Variants in SYT17 observed in about 807,000 individuals in gnomAD.
SYT17 encodes synaptotagmin 17.
Under a neutral mutation model 46.7 loss-of-function variants are expected in SYT17, and 22 were observed. The ratio of observed to expected loss-of-function variants is 0.47; its 90% CI spans 0.34 to 0.67. The LOEUF (loss-of-function observed/expected upper bound fraction) is 0.67, where lower values mean the gene tolerates loss of function less well. Among genes scored for constraint, SYT17 ranks in the 30% least tolerant of loss-of-function variants. The probability of loss-of-function intolerance (pLI) is 0.01; values close to 1 mark genes in which losing one functional copy is unlikely to be tolerated. For missense variants in SYT17, 519 were observed against 612.8 expected, an observed-to-expected ratio of 0.85 and a Z score of 1.62; for synonymous variants, 251 against 248.4, an observed-to-expected ratio of 1.01 and a Z score of -0.10.
intron 5 of SYT17, among the ~76,000 whole-genome samples, chr16:19,196,549 A>T (rs1965254625): frequency 6.6e-6 from 1 of 150,578 alleles, no homozygotes; most frequent in African/African-American, 2.4e-5. Context: ...CAGCTGAAGA[A>T]TTTTTTTTTT....
chr16:19,194,380 CA>C (rs1224183718), intron 5 of SYT17, among the ~76,000 whole-genome samples: 1 of 152,202 alleles, frequency 6.6e-6, no homozygotes, highest in Non-Finnish European at 1.5e-5. Flanking sequence ...CCGCCTCTCA[CA>C]AATCACAGAG....
Position 19,253,852 on chromosome 16 carries a change from C to T in SYT17, c.1229-13028C>T, listed in dbSNP as rs928917079. Among the ~76,000 whole-genome samples the T allele has an allele frequency of 5.9e-5, 9 of 152,028 alleles. No individual in the cohort carries two copies. In the East Asian group the frequency reaches 7.7e-4, roughly 13 times the overall value. On this transcript the variant is annotated intron_variant, in intron 7 of 7. Coordinates refer to ENST00000355377, the MANE Select transcript of SYT17 (RefSeq NM_016524.4). ...AAGAGATTCTCCTGTCTCAGCCTCC[C>T]GAGTAACTAGGATTACAGGCGCCTG...
chr16:19,261,549 T>G (rs1023209900), intron 7 of SYT17, among the ~76,000 whole-genome samples: 2 of 152,242 alleles, frequency 1.3e-5, no homozygotes, highest in African/African-American at 2.4e-5. Flanking sequence ...CAGTGACTTA[T>G]TTTTCCTTTG....
chr16:19,192,218 G>A (rs538922261), intron 5 of SYT17, among the ~76,000 whole-genome samples: 24 of 152,288 alleles, frequency 1.6e-4, no homozygotes, highest in African/African-American at 5.5e-4. Flanking sequence ...CCAGGAGTTC[G>A]AAATCAGCCT....
At chr16:19,201,366 A>C (rs746086081) in intron 5 of SYT17, among the ~76,000 whole-genome samples, 1 of 152,152 alleles carries the variant, frequency 6.6e-6, no homozygotes, top group Non-Finnish European at 1.5e-5. Flanking sequence ...AGGCACAGCT[A>C]AATTCAGGGA....
At chr16:19,185,147 T>G (rs1378803918) in intron 5 of SYT17, among the ~76,000 whole-genome samples, 1 of 149,984 alleles carries the variant, frequency 6.7e-6, no homozygotes, top group African/African-American at 2.4e-5. Context: ...CTTCCCTCCC[T>G]TTCTCCCTCC....
In SYT17 at chr16:19,268,151, C is replaced by T. The variant is rs1020368733; in HGVS notation, c.*1075C>T. 3.9e-5 allele frequency: 6 copies of T among 152,000 alleles called. No individual in the cohort carries two copies. The highest frequency in any genetic ancestry group is 7.3e-5 in the African/African-American group (3 of 41,364). The allele number at this position is 152,000 out of a possible 1,614,324, so 9.4% of individuals were successfully genotyped here. A position where few individuals can be genotyped will look rare whatever the true frequency, so the allele number is the denominator to read the frequency against. On this transcript the variant is annotated 3_prime_UTR_variant, in exon 8 of 8. Coordinates refer to ENST00000355377, the MANE Select transcript of SYT17 (RefSeq NM_016524.4). ...GGATCTTTCTGTGTTTTTCTGTGAA[C>T]GAATGTCACGTCTCTCGTGCTAAGG... is the stretch of plus-strand genomic sequence containing the variant.
At chr16:19,199,346 G>A (rs1188645309) in intron 5 of SYT17, among the ~76,000 whole-genome samples, 6 of 152,142 alleles carry the variant, frequency 3.9e-5, no homozygotes, top group African/African-American at 7.2e-5. Flanking sequence ...AGTTATTCAC[G>A]GAATGGTGGA....
At chr16:19,185,564 G>C (rs1964753288) in intron 5 of SYT17, among the ~76,000 whole-genome samples, 1 of 151,932 alleles carries the variant, frequency 6.6e-6, no homozygotes, top group Admixed American at 6.6e-5. Context: ...ACTCACTCCA[G>C]CTCACTCCAG....
At chr16:19,180,226 CGTT>C (rs1167385750) in intron 3 of SYT17, 162 bp from the exon 4 acceptor site, 15 of 633,982 alleles carry the variant, frequency 2.4e-5, no homozygotes, top group African/African-American at 3.6e-5. Flanking sequence ...AAAAGCAAGA[CGTT>C]GTTGAGAGTT....
intron 7 of SYT17, among the ~76,000 whole-genome samples, chr16:19,262,730 C>G (rs1969073458): frequency 6.6e-6 from 1 of 152,218 alleles, no homozygotes; most frequent in South Asian, 2.1e-4. Context: ...ATCTGGGTAG[C>G]TGAGCCTCCT....
chr16:19,231,572 C>A (rs1167000270), intron 7 of SYT17, among the ~76,000 whole-genome samples: 1 of 149,644 alleles, frequency 6.7e-6, no homozygotes, highest in African/African-American at 2.5e-5. Context: ...AGTCTTATTC[C>A]CTTGGCAAAC....
At chr16:19,206,439 G>T (rs144234759) in intron 5 of SYT17, among the ~76,000 whole-genome samples, 5 of 152,168 alleles carry the variant, frequency 3.3e-5, no homozygotes, top group Non-Finnish European at 7.3e-5. Context: ...GGAGAGCTGG[G>T]ATTGCAATGG....
intron 7 of SYT17, among the ~76,000 whole-genome samples, chr16:19,236,107 A>T (rs187950032): frequency 6.6e-6 from 1 of 152,268 alleles, no homozygotes; most frequent in Non-Finnish European, 1.5e-5. Flanking sequence ...TCCTGGCTTA[A>T]CCAAACCACT....
At chr16:19,184,588 G>T (rs146529318) in intron 5 of SYT17, among the ~76,000 whole-genome samples, 225 of 151,490 alleles carry the variant, frequency 1.5e-3, no homozygotes, top group African/African-American at 4.7e-3. Context: ...GTAGAGATGA[G>T]GTTTTCCGTG....
chr16:19,255,527 C>T (rs1228788660), intron 7 of SYT17, among the ~76,000 whole-genome samples: 1 of 152,102 alleles, frequency 6.6e-6, no homozygotes, highest in Admixed American at 6.6e-5. Flanking sequence ...TGGCTCACAC[C>T]TGTAATCCAA....
intron 3 of SYT17, among the ~76,000 whole-genome samples, chr16:19,174,602 T>G (rs1011656456): frequency 2.0e-5 from 3 of 152,196 alleles, no homozygotes; most frequent in African/African-American, 7.2e-5. Flanking sequence ...AATATTTCCA[T>G]AGCAAAATGG....
intron 5 of SYT17, among the ~76,000 whole-genome samples, chr16:19,212,505 C>G (rs1965943860): frequency 6.6e-6 from 1 of 152,114 alleles, no homozygotes; most frequent in African/African-American, 2.4e-5. Flanking sequence ...CCTGTAATCT[C>G]AGCTACTCGG....
At chr16:19,264,430 T>C (rs2143003773) in intron 7 of SYT17, among the ~76,000 whole-genome samples, 1 of 152,290 alleles carries the variant, frequency 6.6e-6, no homozygotes, top group East Asian at 1.9e-4. Flanking sequence ...TTTTTGTCCA[T>C]TTGTGCAGAA....
Sources: gnomAD v4.1 joint callset for allele counts (sites outside exome capture counted in the v4.1 genomes callset) on GRCh38, gnomAD v4.1.1 for gene constraint, MANE v1.5 for transcripts, NCBI Gene and HGNC (gene_info 2026-07-23, HGNC 2026-07-21) for gene names.